IQCJ: variants seen among roughly 807,000 people sequenced by gnomAD.
The protein encoded by IQCJ is IQ domain-containing protein J.
IQCJ carries 9 observed loss-of-function variants against 11.0 expected under a neutral mutation model. The observed-to-expected ratio is 0.82, with a 90% CI of 0.49 to 1.43. The LOEUF (loss-of-function observed/expected upper bound fraction) is 1.43, where lower values mean the gene tolerates loss of function less well. Ranked by LOEUF, IQCJ falls within the 40% of genes most tolerant of loss-of-function variation. The pLI is 0.00. For missense variants in IQCJ, 146 were observed against 133.2 expected (o/e 1.10, Z -0.47); for synonymous variants, 55 against 51.3 (o/e 1.07, Z -0.31).
chr3:159,083,159 C>A (rs1361075689), intron 1 of IQCJ, among the ~76,000 whole-genome samples: 1 of 151,968 alleles, frequency 6.6e-6, no homozygotes, highest in African/African-American at 2.4e-5. Context: ...ACCTTGTCAA[C>A]AGAAAGAAAA....
intron 1 of IQCJ, among the ~76,000 whole-genome samples, chr3:159,137,462 A>C (rs1720362461): frequency 6.6e-6 from 1 of 152,178 alleles, no homozygotes; most frequent in African/African-American, 2.4e-5. Context: ...AAAATACTTA[A>C]AGATCTGCCT....
At chr3:159,150,474 T>C (rs569499002) in intron 1 of IQCJ, among the ~76,000 whole-genome samples, 1 of 151,934 alleles carries the variant, frequency 6.6e-6, no homozygotes, top group African/African-American at 2.4e-5. Flanking sequence ...AAAAGAAGAC[T>C]GGTGGAGAAT....
chr3:159,080,213 G>T (rs1716216793), intron 1 of IQCJ, among the ~76,000 whole-genome samples: 1 of 152,032 alleles, frequency 6.6e-6, no homozygotes, highest in South Asian at 2.1e-4. Context: ...AATAAACTTT[G>T]CTTTTGGTGG....
intron 1 of IQCJ, among the ~76,000 whole-genome samples, chr3:159,122,294 A>G (rs575383559): frequency 6.6e-6 from 1 of 152,312 alleles, no homozygotes; most frequent in African/African-American, 2.4e-5. Context: ...TGGGGGGACA[A>G]AAATATTCAG....
chr3:159,256,901 AT>A (rs1160257983), intron 3 of IQCJ, among the ~76,000 whole-genome samples: 1 of 152,142 alleles, frequency 6.6e-6, no homozygotes, highest in Non-Finnish European at 1.5e-5. Flanking sequence ...GGGCTAAGTA[AT>A]TTACATACAT....
intron 1 of IQCJ, among the ~76,000 whole-genome samples, chr3:159,236,787 T>TA (rs1464927488): frequency 4.6e-5 from 7 of 152,234 alleles, no homozygotes; most frequent in African/African-American, 1.4e-4. Flanking sequence ...TTATGTCTTC[T>TA]ACTTTTCCAA....
chr3:159,238,799 G>A (rs994666303), intron 1 of IQCJ, among the ~76,000 whole-genome samples: 8 of 152,110 alleles, frequency 5.3e-5, no homozygotes, highest in African/African-American at 1.9e-4. Context: ...CGTGAGTTCT[G>A]GGATTTTGTT....
downstream of IQCJ, chr3:159,265,663 A>ACAATTTG: frequency 3.0e-6 from 1 of 329,930 alleles, no homozygotes; most frequent in Non-Finnish European, 5.6e-6. Flanking sequence ...TACTGCCTAG[A>ACAATTTG]CAATTTTCTA....
chr3:159,171,850 G>C (rs1267387423), intron 1 of IQCJ, among the ~76,000 whole-genome samples: 1 of 152,188 alleles, frequency 6.6e-6, no homozygotes, highest in African/African-American at 2.4e-5. Flanking sequence ...TAGTAGATGT[G>C]TGATTGACCA....
At chr3:159,194,549 G>C (rs957969789) in intron 1 of IQCJ, among the ~76,000 whole-genome samples, 4 of 152,194 alleles carry the variant, frequency 2.6e-5, no homozygotes, top group Non-Finnish European at 5.9e-5. Flanking sequence ...TGATGTGCTT[G>C]TAGCTTGATT....
At chr3:159,081,363 T>C (rs911863471) in intron 1 of IQCJ, among the ~76,000 whole-genome samples, 3 of 152,076 alleles carry the variant, frequency 2.0e-5, no homozygotes, top group South Asian at 2.1e-4. Context: ...TGGGAATGAC[T>C]TAGGCCAAGA....
At chr3:159,131,344 T>A (rs150466746) in intron 1 of IQCJ, among the ~76,000 whole-genome samples, 27 of 151,876 alleles carry the variant, frequency 1.8e-4, no homozygotes, top group African/African-American at 5.3e-4. Context: ...CTTTTCTCCT[T>A]TTCTCTGTGC....
chr3:159,230,039 C>T (rs1726154181), intron 1 of IQCJ, among the ~76,000 whole-genome samples: 1 of 150,466 alleles, frequency 6.6e-6, no homozygotes, highest in Non-Finnish European at 1.5e-5. Flanking sequence ...ATGTCCTTCT[C>T]CTCCTTACCT....
At chr3:159,115,377 A>C (rs1308723037) in intron 1 of IQCJ, among the ~76,000 whole-genome samples, 2 of 152,174 alleles carry the variant, frequency 1.3e-5, no homozygotes, top group Non-Finnish European at 2.9e-5. Flanking sequence ...CAAGTGGTAT[A>C]TCTAATTTCT....
At chr3:159,261,367 T>G (rs1258485316) in intron 3 of IQCJ, among the ~76,000 whole-genome samples, 1 of 152,198 alleles carries the variant, frequency 6.6e-6, no homozygotes, top group African/African-American at 2.4e-5. Flanking sequence ...GAGATGTTAA[T>G]CTCAAAGATC....
chr3:159,079,998 A>C (rs1716202781), intron 1 of IQCJ, among the ~76,000 whole-genome samples: 1 of 152,112 alleles, frequency 6.6e-6, no homozygotes, highest in South Asian at 2.1e-4. Flanking sequence ...GCATATGATT[A>C]ATGACTATTT....
At chr3:159,154,850 A>G (rs1721425729) in intron 1 of IQCJ, among the ~76,000 whole-genome samples, 1 of 151,924 alleles carries the variant, frequency 6.6e-6, no homozygotes, top group South Asian at 2.1e-4. Context: ...TAATACATCG[A>G]CTACTTTTCT....
At chr3:159,154,053 A>G (rs944109568) in intron 1 of IQCJ, among the ~76,000 whole-genome samples, 1 of 152,218 alleles carries the variant, frequency 6.6e-6, no homozygotes, top group African/African-American at 2.4e-5. Flanking sequence ...GTTTGCCACT[A>G]GGAAGCCCAA....
intron 1 of IQCJ, 92 bp downstream of exon 1, chr3:159,069,533 T>G (rs897862942): frequency 2.6e-6 from 4 of 1,520,578 alleles, no homozygotes; most frequent in Non-Finnish European, 2.6e-6. Flanking sequence ...TGAATTAACA[T>G]GTATGCAAAA....
Sources: gnomAD v4.1 joint callset for allele counts (sites outside exome capture counted in the v4.1 genomes callset) on GRCh38, gnomAD v4.1.1 for gene constraint, MANE v1.5 for transcripts, NCBI Gene and HGNC (gene_info 2026-07-23, HGNC 2026-07-21) for gene names.